Variants in SLC12A7 observed in about 807,000 individuals in gnomAD.
SLC12A7 encodes the protein solute carrier family 12 member 7.
A neutral mutation model predicts 120.6 loss-of-function variants in SLC12A7; 100 were observed. That is an observed-to-expected ratio of 0.83 (90% CI 0.71 to 0.98). The LOEUF is 0.98. SLC12A7 is among the 50% of genes least tolerant of loss of function. The pLI, the probability that SLC12A7 is intolerant of heterozygous loss-of-function variation, is 0.00. For synonymous variants in SLC12A7, 760 were observed against 678.0 expected (o/e 1.12, Z -1.88); for missense variants, 1,373 against 1,548.1 (o/e 0.89, Z 1.90).
At chr5:1,084,516 T>C (rs1739592796) in intron 7 of SLC12A7, among the ~76,000 whole-genome samples, 1 of 152,120 alleles carries the variant, frequency 6.6e-6, no homozygotes, top group African/African-American at 2.4e-5. Flanking sequence ...CCCCGACGTA[T>C]AAGCCAGGCC....
At chr5:1,080,232 G>A (rs184921446) in intron 9 of SLC12A7, among the ~76,000 whole-genome samples, 81 of 4,176 alleles carry the variant, frequency 0.019, no homozygotes, top group African/African-American at 0.02. Flanking sequence ...CCCGCGGCGC[G>A]GAGACACCAG....
intron 20 of SLC12A7, among the ~76,000 whole-genome samples, chr5:1,061,220 A>G (rs190434548): frequency 0.069 from 136 of 1,974 alleles, 32 homozygotes; most frequent in Non-Finnish European, 0.53. Context: ...CGTCTCACCC[A>G]CCGCACCCGC....
At chr5:1,117,898 C>T in the SLC12A7 span, among the ~76,000 whole-genome samples, 3 of 152,088 alleles carry the variant, frequency 2.0e-5, no homozygotes, top group Non-Finnish European at 4.4e-5. The surrounding 1 kb of genome is among the most constrained non-coding windows in gnomAD (Gnocchi z 4.5). Flanking sequence ...GGTGAAACCC[C>T]GTCTCTACTA....
intron 1 of SLC12A7, among the ~76,000 whole-genome samples, chr5:1,110,875 C>T (rs1020936676): frequency 3.3e-5 from 5 of 152,236 alleles, no homozygotes; most frequent in African/African-American, 4.8e-5. Flanking sequence ...CACGGTGGGT[C>T]CCCACCCGTG....
At chr5:1,095,606 C>T (rs188967024) in intron 1 of SLC12A7, among the ~76,000 whole-genome samples, 5 of 152,328 alleles carry the variant, frequency 3.3e-5, no homozygotes, top group Admixed American at 6.5e-5. Context: ...GCAGAAGAAA[C>T]GGTCAAGGCA....
In SLC12A7 at chr5:1,053,331, C is replaced by T; in HGVS notation, c.3160+18G>A. 6.2e-7 allele frequency: 1 copy of T among 1,611,960 alleles called. No homozygotes were observed. Among genetic ancestry groups the T allele is most frequent in the Non-Finnish European group, 8.5e-7 (1 of 1,179,072 alleles). On this transcript the variant is annotated intron_variant, in intron 23 of 23. Transcript: ENST00000264930. ...GGGGTGCCCGCACGCTCAGCAGGCA[C>T]ACTGCAAGAAAGGATACAGTTCTCG... is the stretch of plus-strand genomic sequence containing the variant.
chr5:1,055,445 C>T (rs773319176), intron 22 of SLC12A7, among the ~76,000 whole-genome samples: 8 of 152,250 alleles, frequency 5.3e-5, no homozygotes, highest in African/African-American at 1.4e-4. Flanking sequence ...GCACATCTCA[C>T]GCCCGCACTG....
At chr5:1,095,712 G>A (rs1313487880) in intron 1 of SLC12A7, among the ~76,000 whole-genome samples, 1 of 152,256 alleles carries the variant, frequency 6.6e-6, no homozygotes, top group Admixed American at 6.5e-5. Flanking sequence ...GGACATTTCA[G>A]ATGTGCCAGA....
chr5:1,053,491 G>A lies in SLC12A7; in HGVS notation c.3027-9C>T, dbSNP rs1184741375. The A allele has an allele frequency of 2.5e-6, 4 of 1,612,844 alleles. No individual in the cohort carries two copies. Among genetic ancestry groups the A allele is most frequent in the Non-Finnish European group, 1.7e-6 (2 of 1,179,564 alleles). On this transcript the variant is annotated splice_polypyrimidine_tract_variant and intron_variant, in intron 22 of 23. Coordinates refer to ENST00000264930, the MANE Select transcript of SLC12A7 (RefSeq NM_006598.3). Reference sequence around the variant, plus strand: ...TGACGTTGGACTGGTCCCTGCAGGGGAGGTGGGCACGGTCAGCGGGCGGCG... The same window carrying A: ...TGACGTTGGACTGGTCCCTGCAGGGAAGGTGGGCACGGTCAGCGGGCGGCG...
In SLC12A7 at chr5:1,074,532, G is replaced by A. The variant is rs778270044; in HGVS notation, c.2072+35C>T. ...CCGACCTCAGAAACAGCTCTTCTGT[G>A]CGTCTGAGGACCACGGGGCATGGGC... On this transcript the variant is annotated intron_variant, in intron 16 of 23. Transcript: ENST00000264930. 7 of 1,573,794 alleles carry A rather than the reference G, an allele frequency of 4.4e-6. No individual in the cohort carries two copies. The East Asian group carries it at 6.8e-5, about 15-fold the overall frequency.
intron 19 of SLC12A7, 23 bp downstream of exon 19, chr5:1,064,060 C>A: frequency 6.2e-7 from 1 of 1,600,186 alleles, no homozygotes. Context: ...CTCCGGCTGG[C>A]GTGTCCCCGT....
intron 5 of SLC12A7, 72 bp downstream of exon 5, chr5:1,088,234 C>G: frequency 6.7e-7 from 1 of 1,499,552 alleles, no homozygotes; most frequent in South Asian, 1.2e-5. Context: ...GCGGCCTCCT[C>G]GCGGTTGCCG....
At position 1,076,661 on chromosome 5, in the gene SLC12A7, C is replaced by G. The variant is rs771267841; in HGVS notation, c.1748+33G>C. 11 of 1,535,986 alleles carry G rather than the reference C, an allele frequency of 7.2e-6. No individual in the cohort carries two copies. The South Asian group carries it at 1.1e-4, about 16-fold the overall frequency. On this transcript the variant is annotated intron_variant, in intron 13 of 23. Coordinates refer to ENST00000264930, the MANE Select transcript of SLC12A7 (RefSeq NM_006598.3). ...TGCCCCACGCTCCAGGCCCATACAC[C>G]CATCCCCAGGTCCCCGTCCTGTGGG... is the stretch of plus-strand genomic sequence containing the variant.
chr5:1,065,260 G>A (rs370302828), intron 18 of SLC12A7, 23 bp downstream of exon 18: 51 of 1,531,404 alleles, frequency 3.3e-5, no homozygotes, highest in East Asian at 4.7e-5. Flanking sequence ...AGGGGATGCC[G>A]AAGGGCCGCC....
chr5:1,090,551 C>T (rs1323307493), intron 3 of SLC12A7, among the ~76,000 whole-genome samples: 1 of 152,178 alleles, frequency 6.6e-6, no homozygotes, highest in Non-Finnish European at 1.5e-5. Flanking sequence ...GGGACATTCT[C>T]ATTGGATAAA....
the SLC12A7 span, among the ~76,000 whole-genome samples, chr5:1,155,620 G>T: frequency 6.6e-6 from 1 of 151,280 alleles, no homozygotes; most frequent in African/African-American, 2.4e-5. Context: ...GGCCCGCCAG[G>T]CCGCCGCCGC....
intron 1 of SLC12A7, among the ~76,000 whole-genome samples, chr5:1,096,243 A>G (rs1172887534): frequency 1.3e-5 from 2 of 152,190 alleles, no homozygotes; most frequent in African/African-American, 4.8e-5. Context: ...CAAACGTGGG[A>G]GTGAAAGACG....
At chr5:1,081,776 G>A (rs1202459428) in intron 8 of SLC12A7, 32 bp from the exon 9 acceptor site, 1 of 1,599,024 alleles carries the variant, frequency 6.3e-7, no homozygotes. Context: ...ATGGGTTTCT[G>A]GCACCTTCTG....
intron 3 of SLC12A7, among the ~76,000 whole-genome samples, chr5:1,093,287 C>T (rs556063454): frequency 6.6e-6 from 1 of 152,314 alleles, no homozygotes; most frequent in South Asian, 2.1e-4. Context: ...CATTTCTCGA[C>T]AGGGAACCCG....
Sources: allele counts gnomAD v4.1 joint callset (sites outside exome capture counted in the v4.1 genomes callset), GRCh38; gene constraint gnomAD v4.1.1; non-coding constraint Gnocchi (gnomAD v3.1); transcripts MANE v1.5; gene names NCBI Gene and HGNC (gene_info 2026-07-23, HGNC 2026-07-21).